Variants in CTNNA3 observed in about 807,000 individuals in gnomAD.
CTNNA3 encodes the protein catenin alpha 3, also known as catenin alpha-3.
A neutral mutation model predicts 95.7 loss-of-function variants in CTNNA3; 76 were observed. That is an observed-to-expected ratio of 0.79 (90% CI 0.66 to 0.96). The LOEUF is 0.96. Among genes scored for constraint, CTNNA3 ranks in the 40% least tolerant of loss-of-function variants. The pLI, the probability that CTNNA3 is intolerant of heterozygous loss-of-function variation, is 0.00. For synonymous variants in CTNNA3, 431 were observed against 374.4 expected, an observed-to-expected ratio of 1.15 and a Z score of -1.74; for missense variants, 1,191 against 1,089.8, an observed-to-expected ratio of 1.09 and a Z score of -1.31.
At chr10:66,615,941 C>A (rs561122740) in intron 10 of CTNNA3, among the ~76,000 whole-genome samples, 116 of 152,138 alleles carry the variant, frequency 7.6e-4, no homozygotes, top group Admixed American at 2.6e-3. Context: ...GACCATTCTA[C>A]CTTTCTCAGT....
intron 7 of CTNNA3, among the ~76,000 whole-genome samples, chr10:67,022,719 T>C (rs975891417): frequency 6.6e-6 from 1 of 152,030 alleles, no homozygotes; most frequent in African/African-American, 2.4e-5. Flanking sequence ...GGGCAGATCA[T>C]GAGGTCAGGA....
chr10:66,082,876 C>T (rs1052091148), intron 14 of CTNNA3, among the ~76,000 whole-genome samples: 8 of 152,120 alleles, frequency 5.3e-5, no homozygotes, highest in African/African-American at 9.7e-5. Flanking sequence ...CTCATCTTTC[C>T]TGTGTGTTCT....
intron 9 of CTNNA3, among the ~76,000 whole-genome samples, chr10:66,667,618 T>C (rs10997288): frequency 0.03 from 4,516 of 152,284 alleles, 367 homozygotes; most frequent in East Asian, 0.24. Flanking sequence ...GGCTCTAGTA[T>C]ACTTTCTAAC....
At chr10:66,750,904 C>A (rs1839106085) in intron 9 of CTNNA3, among the ~76,000 whole-genome samples, 1 of 152,062 alleles carries the variant, frequency 6.6e-6, no homozygotes, top group Admixed American at 6.6e-5. Flanking sequence ...TTGTAGTTTT[C>A]CTCAATTTAA....
chr10:66,110,042 G>A (rs868719106), intron 13 of CTNNA3, among the ~76,000 whole-genome samples: 3 of 151,964 alleles, frequency 2.0e-5, no homozygotes, highest in Non-Finnish European at 2.9e-5. Flanking sequence ...CTTCACTCAT[G>A]TATCATTTTT....
At chr10:67,298,459 T>G (rs1840132313) in intron 5 of CTNNA3, among the ~76,000 whole-genome samples, 1 of 152,230 alleles carries the variant, frequency 6.6e-6, no homozygotes, top group Non-Finnish European at 1.5e-5. Context: ...GCCCTTCAAA[T>G]TTTACAGGAT....
chr10:66,312,577 T>G (rs2092036548), intron 12 of CTNNA3, among the ~76,000 whole-genome samples: 2 of 151,532 alleles, frequency 1.3e-5, no homozygotes, highest in South Asian at 4.2e-4. Flanking sequence ...AGACAGAGTC[T>G]CACTCTGTCA....
At chr10:66,505,034 A>G (rs1840403757) in intron 11 of CTNNA3, among the ~76,000 whole-genome samples, 1 of 152,208 alleles carries the variant, frequency 6.6e-6, no homozygotes, top group Admixed American at 6.5e-5. Flanking sequence ...TACTCTAGCT[A>G]TACCTTAAAG....
intron 12 of CTNNA3, among the ~76,000 whole-genome samples, chr10:66,294,778 A>G (rs900643633): frequency 1.7e-4 from 26 of 152,144 alleles, no homozygotes; most frequent in Non-Finnish European, 8.8e-5. Context: ...AACTATTATC[A>G]GTAATAAAAG....
chr10:67,513,130 G>C (rs1344864384), intron 5 of CTNNA3, among the ~76,000 whole-genome samples: 1 of 152,144 alleles, frequency 6.6e-6, no homozygotes, highest in Non-Finnish European at 1.5e-5. Flanking sequence ...CCTGCAGTTT[G>C]ATATGAAACC....
At chr10:66,748,434 T>C (rs1179385599) in intron 9 of CTNNA3, among the ~76,000 whole-genome samples, 1 of 152,232 alleles carries the variant, frequency 6.6e-6, no homozygotes, top group Non-Finnish European at 1.5e-5. Flanking sequence ...GCTGCTTTCC[T>C]AGGTATATTT....
intron 7 of CTNNA3, among the ~76,000 whole-genome samples, chr10:67,165,710 G>A (rs1194281982): frequency 6.6e-6 from 1 of 152,144 alleles, no homozygotes; most frequent in African/African-American, 2.4e-5. Flanking sequence ...ACGAAAATGA[G>A]AGAAGATGGA....
intron 3 of CTNNA3, among the ~76,000 whole-genome samples, chr10:67,587,694 T>A (rs1388506436): frequency 3.3e-5 from 5 of 152,154 alleles, no homozygotes; most frequent in Admixed American, 6.5e-5. Flanking sequence ...AAAGTCCTTT[T>A]TGCATTGTAT....
At chr10:66,534,115 A>C (rs1455801349) in intron 10 of CTNNA3, among the ~76,000 whole-genome samples, 1 of 152,152 alleles carries the variant, frequency 6.6e-6, no homozygotes, top group Non-Finnish European at 1.5e-5. Context: ...GTGAGTCTCG[A>C]GTTAGCAAAA....
Position 66,927,377 on chromosome 10 carries a change from G to A in CTNNA3, c.1048-151853C>T. ...CATTCTCTGGGATCTGAACAGTTTC[G>A]GGGCTTGCGGAAGCTGCTGAGTTTA... is the stretch of plus-strand genomic sequence containing the variant. On this transcript the variant is annotated intron_variant, in intron 7 of 17. Transcript: ENST00000433211. The surrounding 1 kb of genome is among the most constrained non-coding windows in gnomAD (Gnocchi z 4.7). 2.5e-6 allele frequency: 4 copies of A among 1,614,058 alleles called. No homozygotes were observed. Among genetic ancestry groups the A allele is most frequent in the Non-Finnish European group, 3.4e-6 (4 of 1,180,022 alleles).
At chr10:66,799,402 A>G (rs1229368460) in intron 7 of CTNNA3, among the ~76,000 whole-genome samples, 1 of 151,644 alleles carries the variant, frequency 6.6e-6, no homozygotes. Context: ...ATTTCCACAG[A>G]AAATTAGAAT....
At chr10:66,656,263 C>T (rs1846070771) in intron 9 of CTNNA3, among the ~76,000 whole-genome samples, 1 of 152,082 alleles carries the variant, frequency 6.6e-6, no homozygotes, top group African/African-American at 2.4e-5. Flanking sequence ...CTAAATAAGA[C>T]AGGCAGCAGC....
At chr10:66,075,551 G>T (rs2080534391) in intron 14 of CTNNA3, among the ~76,000 whole-genome samples, 1 of 151,764 alleles carries the variant, frequency 6.6e-6, no homozygotes, top group Admixed American at 6.6e-5. Flanking sequence ...CCACAAAATG[G>T]AAAAGAAGGA....
chr10:66,237,002 A>C (rs1168575772), intron 13 of CTNNA3, among the ~76,000 whole-genome samples: 1 of 151,948 alleles, frequency 6.6e-6, no homozygotes, highest in Admixed American at 6.6e-5. Flanking sequence ...GGTGATCCAC[A>C]CCTGTATTCT....
Sources: allele counts gnomAD v4.1 joint callset (sites outside exome capture counted in the v4.1 genomes callset), GRCh38; gene constraint gnomAD v4.1.1; non-coding constraint Gnocchi (gnomAD v3.1); transcripts MANE v1.5; gene names NCBI Gene and HGNC (gene_info 2026-07-23, HGNC 2026-07-21).